The following GRID2 variants were observed in gnomAD, a reference collection of about 807,000 sequenced individuals.
GRID2 encodes the protein glutamate ionotropic receptor delta type subunit 2, also known as glutamate receptor ionotropic, delta-2.
GRID2 carries 33 observed loss-of-function variants against 114.8 expected under a neutral mutation model. The ratio of observed to expected loss-of-function variants is 0.29; its 90% CI spans 0.22 to 0.38. The LOEUF is 0.38. Among genes scored for constraint, GRID2 ranks in the 10% least tolerant of loss-of-function variants. The pLI, the probability that GRID2 is intolerant of heterozygous loss-of-function variation, is 1.00. For missense variants in GRID2, 1,184 were observed against 1,257.7 expected (o/e 0.94, Z 0.89); for synonymous variants, 505 against 449.9 (o/e 1.12, Z -1.55).
chr4:92,658,995 G>A (rs1198688235), intron 2 of GRID2, among the ~76,000 whole-genome samples: 2 of 148,172 alleles, frequency 1.3e-5, no homozygotes, highest in Non-Finnish European at 3.0e-5. Context: ...GAAAATTAAA[G>A]GAGTACTGTA....
At chr4:92,682,161 A>G (rs1291923622) in intron 2 of GRID2, among the ~76,000 whole-genome samples, 2 of 152,154 alleles carry the variant, frequency 1.3e-5, no homozygotes, top group African/African-American at 4.8e-5. Context: ...TTAAGGGATC[A>G]TCACTTCAAC....
intron 8 of GRID2, among the ~76,000 whole-genome samples, chr4:93,360,456 G>A (rs1271645918): frequency 6.6e-6 from 1 of 151,870 alleles, no homozygotes; most frequent in African/African-American, 2.4e-5. Context: ...GGTCTGATAT[G>A]TAGTGTCAGT....
At chr4:92,881,243 C>G (rs1745990214) in intron 2 of GRID2, among the ~76,000 whole-genome samples, 1 of 152,284 alleles carries the variant, frequency 6.6e-6, no homozygotes, top group South Asian at 2.1e-4. Context: ...CACTCATTCA[C>G]CAATTCAATG....
chr4:92,710,860 C>T (rs1307380324), intron 2 of GRID2, among the ~76,000 whole-genome samples: 1 of 151,634 alleles, frequency 6.6e-6, no homozygotes, highest in African/African-American at 2.4e-5. Context: ...ACTTATATTA[C>T]TATTAATAAT....
chr4:92,583,923 G>GTA (rs142984362), intron 1 of GRID2, among the ~76,000 whole-genome samples: 53,549 of 147,720 alleles, frequency 0.36, 9,701 homozygotes, highest in East Asian at 0.42. Context: ...ACACATATAT[G>GTA]TATATATATA....
rs564157897 is a variant in GRID2, at chr4:93,629,438, ATTAAT to A, written c.2360+3007_2360+3011del. On this transcript the variant is annotated intron_variant, in intron 14 of 15. Transcript: ENST00000282020. ...TCCTCTCTTTATACACATGTGCCACATTAATTTATCACCCAAAACCTCTCGCTAAA... is the reference window on the plus strand; with the variant it reads ...TCCTCTCTTTATACACATGTGCCACATTATCACCCAAAACCTCTCGCTAAA... 3.3e-5 allele frequency among the ~76,000 whole-genome samples: 5 copies of A among 152,334 alleles called. No individual in the cohort carries two copies. The South Asian group carries it at 1.0e-3, about 32-fold the overall frequency.
intron 2 of GRID2, among the ~76,000 whole-genome samples, chr4:93,083,054 G>T (rs1730013844): frequency 1.3e-5 from 2 of 151,962 alleles, no homozygotes; most frequent in South Asian, 4.1e-4. Context: ...AAATTTTGTG[G>T]TAGAAGTATG....
intron 13 of GRID2, among the ~76,000 whole-genome samples, chr4:93,587,644 AC>A (rs1432128208): frequency 6.6e-6 from 1 of 152,004 alleles, no homozygotes; most frequent in Non-Finnish European, 1.5e-5. Context: ...TATTTCTTGT[AC>A]TTTCTCTAAT....
chr4:93,789,504 A>G (rs1252587112), intron 1 of GRID2, among the ~76,000 whole-genome samples: 1 of 152,226 alleles, frequency 6.6e-6, no homozygotes, highest in Non-Finnish European at 1.5e-5. Context: ...AATCTTGGTC[A>G]AAATCAATTT....
At chr4:92,549,281 G>A (rs1449309977) in intron 1 of GRID2, among the ~76,000 whole-genome samples, 1 of 152,072 alleles carries the variant, frequency 6.6e-6, no homozygotes, top group East Asian at 1.9e-4. Flanking sequence ...AGGAAACTGA[G>A]GCTCAGTAAA....
intron 1 of GRID2, among the ~76,000 whole-genome samples, chr4:92,468,489 A>G (rs1485679021): frequency 2.0e-5 from 3 of 152,076 alleles, no homozygotes; most frequent in Non-Finnish European, 4.4e-5. Context: ...ACTTATTTAA[A>G]CAAACACTTA....
At chr4:93,275,470 C>T (rs540994961) in intron 8 of GRID2, among the ~76,000 whole-genome samples, 3 of 150,776 alleles carry the variant, frequency 2.0e-5, no homozygotes, top group African/African-American at 7.3e-5. Flanking sequence ...AGAAATGATC[C>T]TTCCTTTGGT....
intron 12 of GRID2, among the ~76,000 whole-genome samples, chr4:93,500,684 C>T (rs1728006120): frequency 6.6e-6 from 1 of 151,988 alleles, no homozygotes; most frequent in Non-Finnish European, 1.5e-5. Context: ...TGAATTTAGG[C>T]ATAAATAAGG....
intron 2 of GRID2, among the ~76,000 whole-genome samples, chr4:92,801,344 TG>T (rs1339669224): frequency 6.6e-6 from 1 of 151,982 alleles, no homozygotes; most frequent in Non-Finnish European, 1.5e-5. Context: ...ATTAATCATA[TG>T]GATGAAATTT....
At chr4:92,793,169 C>T (rs1236099690) in intron 2 of GRID2, among the ~76,000 whole-genome samples, 2 of 151,714 alleles carry the variant, frequency 1.3e-5, no homozygotes, top group Non-Finnish European at 2.9e-5. Context: ...GAATCTTGGA[C>T]GTTTTCTGCC....
chr4:92,779,242 C>T (rs539799332), intron 2 of GRID2, among the ~76,000 whole-genome samples: 17 of 149,386 alleles, frequency 1.1e-4, no homozygotes, highest in East Asian at 7.8e-4. Context: ...GTGTCCTTAA[C>T]GGAATAAAGT....
chr4:92,948,325 T>G (rs12499076), intron 2 of GRID2, among the ~76,000 whole-genome samples: 90,687 of 151,606 alleles, frequency 0.6, 28,256 homozygotes, highest in Middle Eastern at 0.77. Context: ...GAATAAAGCA[T>G]TTATGGCTTT....
chr4:92,418,619 T>C (rs113983008), intron 1 of GRID2, among the ~76,000 whole-genome samples: 2 of 151,996 alleles, frequency 1.3e-5, no homozygotes, highest in Non-Finnish European at 2.9e-5. Context: ...TGCTAACAAA[T>C]GAGTAAAAAG....
chr4:92,843,872 G>A (rs114413606), intron 2 of GRID2, among the ~76,000 whole-genome samples: 2,335 of 152,148 alleles, frequency 0.015, 63 homozygotes, highest in African/African-American at 0.053. Context: ...ATTAAAATCC[G>A]TAGGTCTACT....
Sources: allele counts gnomAD v4.1 joint callset (sites outside exome capture counted in the v4.1 genomes callset), GRCh38; gene constraint gnomAD v4.1.1; transcripts MANE v1.5; gene names NCBI Gene and HGNC (gene_info 2026-07-23, HGNC 2026-07-21).